DAAM1: variants seen among roughly 807,000 people sequenced by gnomAD.
DAAM1 encodes dishevelled associated activator of morphogenesis 1.
DAAM1 carries 52 observed loss-of-function variants against 130.0 expected under a neutral mutation model. The ratio of observed to expected loss-of-function variants is 0.40; its 90% CI spans 0.32 to 0.50. The LOEUF (loss-of-function observed/expected upper bound fraction) is 0.50. Among genes scored for constraint, DAAM1 ranks in the 20% least tolerant of loss-of-function variants. The probability of loss-of-function intolerance (pLI) is 0.61; values close to 1 mark genes in which losing one functional copy is unlikely to be tolerated. For synonymous variants in DAAM1, 452 were observed against 444.5 expected, an observed-to-expected ratio of 1.02 and a Z score of -0.21; for missense variants, 1,134 against 1,303.8, an observed-to-expected ratio of 0.87 and a Z score of 2.01.
At chr14:59,276,619 A>G (rs146409735) in intron 2 of DAAM1, among the ~76,000 whole-genome samples, 1 of 152,224 alleles carries the variant, frequency 6.6e-6, no homozygotes, top group Non-Finnish European at 1.5e-5. Flanking sequence ...GAGTTAGGAT[A>G]GGTGAATTGG....
At position 59,227,946 on chromosome 14, in the gene DAAM1, C is replaced by T. The variant is rs141137435; in HGVS notation, c.-37-35495C>T. Among the ~76,000 whole-genome samples the T allele has an allele frequency of 5.3e-4, 81 of 152,228 alleles. 1 individual carries two copies. In the East Asian group the frequency reaches 0.011, roughly 20 times the overall value. The stretch of plus-strand genomic sequence containing the variant: ...ACCAGTTTGTATCTCTGCCACACAC[C>T]GAAACAGTTGAGGCAGGAGTCTTCT... On this transcript the variant is annotated intron_variant, in intron 1 of 24. Coordinates refer to ENST00000360909, the MANE Select transcript of DAAM1 (RefSeq NM_001270520.2).
chr14:59,352,630 C>T lies in DAAM1; in HGVS notation c.2265C>T (p.Ser755=), dbSNP rs1886330742. Residue 755 remains serine (S), a splice_region_variant and synonymous_variant, in exon 18 of 25, where the codon AGC becomes AGT. Transcript: ENST00000360909. Reference sequence around the variant, plus strand: ...CTGATAGGTTCCTTTTTGAGATGAGCCGGTGAGTTTGAAAATGCTGGGAAT... The same window carrying T: ...CTGATAGGTTCCTTTTTGAGATGAGTCGGTGAGTTTGAAAATGCTGGGAAT... ...AKADRFLFEM[S]RINHYQQRLQ... is the part of the protein sequence containing the mutation. 1.9e-6 allele frequency: 3 copies of T among 1,610,496 alleles called. No homozygotes were observed. Among genetic ancestry groups the T allele is most frequent in the Non-Finnish European group, 2.5e-6 (3 of 1,178,500 alleles).
intron 4 of DAAM1, 131 bp downstream of exon 4, chr14:59,315,482 C>T: frequency 1.2e-6 from 1 of 821,284 alleles, no homozygotes. Flanking sequence ...CCATCCTAAA[C>T]ATTCAATGCT....
intron 18 of DAAM1, 93 bp from the exon 19 acceptor site, chr14:59,353,783 A>T: frequency 8.9e-7 from 1 of 1,119,788 alleles, no homozygotes; most frequent in Non-Finnish European, 1.3e-6. Flanking sequence ...GTATTGGGGG[A>T]GGTGCTTCTA....
At position 59,317,950 on chromosome 14, in the gene DAAM1, A is replaced by G. The variant is rs543639790; in HGVS notation, c.346-2540A>G. Among the ~76,000 whole-genome samples the G allele has an allele frequency of 1.8e-4, 27 of 152,244 alleles. No individual in the cohort carries two copies. In the South Asian group the frequency reaches 5.6e-3, roughly 32 times the overall value. On this transcript the variant is annotated intron_variant, in intron 4 of 24. Transcript: ENST00000360909. ...ATGGGATAGGCTTCTGTTTTCTTTA[A>G]TGTCTTAAGAGTCTGATAAACAGTC...
At chr14:59,341,633 A>G (rs549566923) in intron 16 of DAAM1, among the ~76,000 whole-genome samples, 5 of 152,218 alleles carry the variant, frequency 3.3e-5, no homozygotes, top group Non-Finnish European at 5.9e-5. Context: ...GTAAGGATCA[A>G]TACTATCCAC....
intron 2 of DAAM1, among the ~76,000 whole-genome samples, chr14:59,266,788 C>T (rs188890032): frequency 2.2e-4 from 34 of 152,280 alleles, no homozygotes; most frequent in African/African-American, 6.7e-4. Flanking sequence ...CCTGGTACAG[C>T]GGAGGGAGGC....
intron 2 of DAAM1, among the ~76,000 whole-genome samples, chr14:59,272,835 A>T (rs137892688): frequency 2.0e-5 from 3 of 152,270 alleles, no homozygotes; most frequent in Admixed American, 2.0e-4. Context: ...TAAAATTCCT[A>T]TGGAGTAAAT....
At chr14:59,360,138 T>C (rs963337794) in intron 21 of DAAM1, among the ~76,000 whole-genome samples, 2 of 152,220 alleles carry the variant, frequency 1.3e-5, no homozygotes, top group Non-Finnish European at 2.9e-5. Flanking sequence ...AGGCATGAAA[T>C]TAAATGAAGT....
chr14:59,342,583 T>C (rs1049741367), intron 16 of DAAM1, among the ~76,000 whole-genome samples: 6 of 152,228 alleles, frequency 3.9e-5, no homozygotes, highest in East Asian at 3.8e-4. Flanking sequence ...CTTTTTCTCT[T>C]AGTCACCACT....
chr14:59,206,170 A>G (rs534643555), intron 1 of DAAM1, among the ~76,000 whole-genome samples: 2 of 152,188 alleles, frequency 1.3e-5, no homozygotes, highest in South Asian at 4.2e-4. Context: ...AGTGTTCTAA[A>G]CTATGTGCAA....
intron 23 of DAAM1, among the ~76,000 whole-genome samples, chr14:59,366,983 TAAAAC>T (rs1002384772): frequency 2.6e-4 from 38 of 146,806 alleles, no homozygotes; most frequent in African/African-American, 8.2e-4. Flanking sequence ...CCCCATCTCT[TAAAAC>T]AAAACAACAA....
chr14:59,304,923 T>C (rs1166578828), intron 3 of DAAM1, among the ~76,000 whole-genome samples: 2 of 152,218 alleles, frequency 1.3e-5, no homozygotes, highest in East Asian at 1.9e-4. Flanking sequence ...GGTCCTCTCT[T>C]GTTATAGCCT....
chr14:59,248,613 T>A (rs1384028830), intron 1 of DAAM1, among the ~76,000 whole-genome samples: 2 of 152,194 alleles, frequency 1.3e-5, no homozygotes, highest in Non-Finnish European at 2.9e-5. Flanking sequence ...ATGTGACCAG[T>A]TTACACACTC....
intron 17 of DAAM1, 80 bp downstream of exon 17, chr14:59,347,703 T>A: frequency 2.2e-6 from 3 of 1,339,580 alleles, no homozygotes; most frequent in Non-Finnish European, 3.2e-6. Context: ...CATCCGGTTG[T>A]TGCTAGTGGA....
At chr14:59,256,207 C>T (rs1881876258) in intron 1 of DAAM1, among the ~76,000 whole-genome samples, 1 of 152,194 alleles carries the variant, frequency 6.6e-6, no homozygotes, top group African/African-American at 2.4e-5. Flanking sequence ...ACAAACTTTA[C>T]TTATCACATA....
intron 1 of DAAM1, among the ~76,000 whole-genome samples, chr14:59,201,595 G>A (rs367996831): frequency 1.9e-4 from 29 of 152,108 alleles, no homozygotes; most frequent in African/African-American, 5.8e-4. Context: ...CAGCCTGGGC[G>A]ACAGAATGAG....
chr14:59,200,864 T>C (rs1172578208), intron 1 of DAAM1, among the ~76,000 whole-genome samples: 1 of 152,054 alleles, frequency 6.6e-6, no homozygotes, highest in Non-Finnish European at 1.5e-5. Flanking sequence ...ACAGGATTCT[T>C]AAAGATCCCC....
At chr14:59,348,517 GT>G (rs1886166924) in intron 17 of DAAM1, among the ~76,000 whole-genome samples, 1 of 152,138 alleles carries the variant, frequency 6.6e-6, no homozygotes, top group South Asian at 2.1e-4. Flanking sequence ...CTGTCTCATT[GT>G]TTTGGGGATG....
Sources: allele counts gnomAD v4.1 joint callset (sites outside exome capture counted in the v4.1 genomes callset), GRCh38; gene constraint gnomAD v4.1.1; transcripts MANE v1.5; gene names NCBI Gene and HGNC (gene_info 2026-07-23, HGNC 2026-07-21).